Variants in C1QTNF12 observed in about 807,000 individuals in gnomAD.
The protein encoded by C1QTNF12 is adipolin.
C1QTNF12 carries 39 observed loss-of-function variants against 34.3 expected under a neutral mutation model. That is an observed-to-expected ratio of 1.14 (90% CI 0.88 to 1.49). C1QTNF12 has a LOEUF of 1.49. Among genes scored for constraint, C1QTNF12 ranks in the 40% most tolerant of loss-of-function variants. The pLI, the probability that C1QTNF12 is intolerant of heterozygous loss-of-function variation, is 0.00. For missense variants in C1QTNF12, 497 were observed against 424.7 expected (o/e 1.17, Z -1.50); for synonymous variants, 220 against 196.9 (o/e 1.12, Z -0.98).
Position 1,242,604 on chromosome 1 carries a change from C to T in C1QTNF12, c.853G>A (p.Ala285Thr), listed in dbSNP as rs1303483832. 4 of 1,594,662 alleles carry T rather than the reference C, an allele frequency of 2.5e-6. No homozygotes were observed. Among genetic ancestry groups the T allele is most frequent in the Non-Finnish European group, 3.4e-6 (4 of 1,171,128 alleles). ...ASVFVDNGSG[A>T]VLTIQAGSSF... is the part of the protein sequence containing the mutation. ...GAGCCCGCCTGGATGGTGAGGACGG[C>T]CCCGGAGCCATTGTCCACAAACACA... The change falls in exon 8 of 8, where the codon GCC becomes ACC. Residue 285 changes from alanine to threonine, a missense_variant. By Grantham distance (58) the Ala-to-Thr change is moderately conservative (BLOSUM62 0). Transcript: ENST00000330388.
In C1QTNF12 at chr1:1,246,615, G is replaced by C; in HGVS notation, c.76C>G (p.Arg26Gly). 3 of 1,245,012 alleles carry C rather than the reference G, an allele frequency of 2.4e-6. No individual in the cohort carries two copies. The highest frequency in any genetic ancestry group is 2.0e-6 in the Non-Finnish European group (2 of 995,000). The allele number at this position is 1,245,012 out of a possible 1,614,324, so 77.1% of individuals were successfully genotyped here. The change falls in exon 1 of 8, where the codon CGG becomes GGG. Residue 26 changes from arginine (R) to glycine (G), a missense_variant. Transcript: ENST00000330388. This position sits in a 1 kb window ranked among gnomAD's most constrained non-coding sequence, Gnocchi z 4.5. ...QLVLLGGVGA[R>G]REAQRTQQPG... ...TGCTGCGTCCTCTGTGCCTCCCGCC[G>C]GGCCCCGACGCCCCCGAGGAGCACG...
In C1QTNF12 at chr1:1,244,465, G is replaced by A. The variant is rs143989402; in HGVS notation, c.210C>T (p.Asp70=). The change falls in exon 2 of 8, where the codon GAC becomes GAT. Residue 70 remains aspartate, a synonymous_variant. Transcript: ENST00000330388. ...CAAAGTTCAGCCATGTCATGTGGGC[G>A]TCGGAGAACTCAGGTCCTGAGGCCT... ...PSQASGPEFS[D]AHMTWLNFVR... The A allele has an allele frequency of 2.5e-5, 40 of 1,611,724 alleles. No homozygotes were observed. The highest frequency in any genetic ancestry group is 1.0e-4 in the Admixed American group (6 of 59,960).
chr1:1,244,287 G>T lies in C1QTNF12; in HGVS notation c.295-12C>A. The stretch of plus-strand genomic sequence containing the variant: ...CCGAAGAGATCCCGCTGGGGGGAGA[G>T]AGAAGCAGGTGAGGGGCCCAGTGGG... On this transcript the variant is annotated splice_polypyrimidine_tract_variant and intron_variant, in intron 2 of 7. Coordinates refer to ENST00000330388, the MANE Select transcript of C1QTNF12 (RefSeq NM_001014980.3). 6.3e-7 allele frequency: 1 copy of T among 1,591,576 alleles called. No homozygotes were observed. Among genetic ancestry groups the T allele is most frequent in the Non-Finnish European group, 8.6e-7 (1 of 1,165,750 alleles).
Position 1,242,648 on chromosome 1 carries a change from T to C in C1QTNF12, c.811-2A>G, listed in dbSNP as rs146132363. On this transcript the variant is annotated splice_acceptor_variant, in intron 7 of 7. Transcript: ENST00000330388. LOFTEE classifies it high-confidence loss of function. ...AAACACAGAAGCGTACTGTCCAGCCTGTAAGAAGCACGGGGACGTCACAAC... is the reference window on the plus strand; with the variant it reads ...AAACACAGAAGCGTACTGTCCAGCCCGTAAGAAGCACGGGGACGTCACAAC... The C allele has an allele frequency of 3.8e-5, 61 of 1,589,648 alleles. No individual in the cohort carries two copies. The highest frequency in any genetic ancestry group is 5.0e-5 in the Non-Finnish European group (58 of 1,168,596).
chr1:1,242,960 G>C (rs1402448513), intron 6 of C1QTNF12, 47 bp from the exon 7 acceptor site: 2 of 1,589,966 alleles, frequency 1.3e-6, no homozygotes, highest in Non-Finnish European at 1.7e-6. Flanking sequence ...CAGGTCCAGG[G>C]GGCCAAGACC....
At chr1:1,247,135 C>T (rs1031774419), upstream of C1QTNF12, among the ~76,000 whole-genome samples, 2 of 152,160 alleles carry the variant, frequency 1.3e-5, no homozygotes, top group African/African-American at 4.8e-5. Flanking sequence ...AAAGGTCCAC[C>T]TCATTCTGGG....
rs200440529 is a variant in C1QTNF12, at chr1:1,244,231, G to C, written c.339C>G (p.Thr113=). 1 of 1,598,236 alleles carries C rather than the reference G, an allele frequency of 6.3e-7. No homozygotes were observed. The highest frequency in any genetic ancestry group is 2.2e-5 in the East Asian group (1 of 44,712). The change falls in exon 3 of 8, where the codon ACC becomes ACG. Residue 113 remains threonine, a synonymous_variant. Transcript: ENST00000330388. The part of the protein sequence containing the change: ...GPPGPPGAEV[T]AETLLHEFQE... ...GAAACTCGTGAAGCAGAGTCTCCGC[G>C]GTCACTTCTGCACCTGGAGGTCCTG...
chr1:1,242,534 C>T lies in C1QTNF12; in HGVS notation c.*14G>A, dbSNP rs887906552. ...GATCCGGCGGCAGCTCCTCGCCAGC[C>T]CCCCTGGGCGCCCTCACGTGCCCAG... On this transcript the variant is annotated 3_prime_UTR_variant, in exon 8 of 8. Coordinates refer to ENST00000330388, the MANE Select transcript of C1QTNF12 (RefSeq NM_001014980.3). 1.2e-5 allele frequency: 19 copies of T among 1,548,442 alleles called. No individual in the cohort carries two copies. Among genetic ancestry groups the T allele is most frequent in the Admixed American group, 5.9e-5 (3 of 50,640 alleles).
chr1:1,242,493 G>A lies in C1QTNF12; in HGVS notation c.*55C>T, dbSNP rs1638762587. The A allele has an allele frequency of 2.2e-6, 3 of 1,370,584 alleles. No homozygotes were observed. The highest frequency in any genetic ancestry group is 3.0e-6 in the Non-Finnish European group (3 of 993,300). The allele number at this position is 1,370,584 out of a possible 1,614,324, so 84.9% of individuals were successfully genotyped here. On this transcript the variant is annotated 3_prime_UTR_variant, in exon 8 of 8. Transcript: ENST00000330388. Reference sequence around the variant, plus strand: ...TTTATTGTGGTGACCACGGGCATCAGTAGGAGGGTCCCCGGGATCCGGCGG... The same window carrying A: ...TTTATTGTGGTGACCACGGGCATCAATAGGAGGGTCCCCGGGATCCGGCGG...
At position 1,242,849 on chromosome 1, in the gene C1QTNF12, G is replaced by A; in HGVS notation, c.796C>T (p.Leu266=). The A allele has an allele frequency of 6.2e-7, 1 of 1,612,350 alleles. No individual in the cohort carries two copies. The change falls in exon 7 of 8, where the codon CTG becomes TTG. Residue 266 remains leucine (L), a synonymous_variant. Transcript: ENST00000330388. ...CCCGGACTCACCTGCAGCTGCAGCA[G>A]CCCCTGCACCTGTAGCGTGAAGACC... The part of the protein sequence containing the change: ...SRVFTLQVQG[L]LQLQAGQYAS...
chr1:1,245,723 C>T (rs1638876568), intron 1 of C1QTNF12, among the ~76,000 whole-genome samples: 1 of 152,212 alleles, frequency 6.6e-6, no homozygotes, highest in Non-Finnish European at 1.5e-5. Flanking sequence ...ATCTGGGAAA[C>T]GGGACCTCGG....
rs141538052 is a variant in C1QTNF12 at position 1,243,520 on chromosome 1, G to A, written c.564C>T (p.Ser188=). The A allele has an allele frequency of 1.7e-4, 265 of 1,555,558 alleles. 1 individual carries two copies. The highest frequency in any genetic ancestry group is 1.7e-3 in the South Asian group (141 of 84,630). The change falls in exon 5 of 8, where the codon TCC becomes TCT. Residue 188 remains serine (S), a synonymous_variant. Coordinates refer to ENST00000330388, the MANE Select transcript of C1QTNF12 (RefSeq NM_001014980.3). ...ACCGACCCGAGGCCAGGCTCAGACC[G>A]GAGCCTCGCAGGAAGGCACCTTGGG... is the stretch of plus-strand genomic sequence containing the variant. ...PAAQGAFLRG[S]GLSLASGRFT...
chr1:1,245,756 T>TGA (rs1204816507), intron 1 of C1QTNF12, among the ~76,000 whole-genome samples: 1 of 152,192 alleles, frequency 6.6e-6, no homozygotes, highest in East Asian at 1.9e-4. Flanking sequence ...CCGCGTGGGC[T>TGA]GAGAGGCAGC....
intron 4 of C1QTNF12, 51 bp downstream of exon 4, chr1:1,243,903 G>C: frequency 2.0e-6 from 3 of 1,529,492 alleles, no homozygotes; most frequent in Non-Finnish European, 2.6e-6. Context: ...GTCCCGTCTT[G>C]CCTGTGGGGC....
intron 1 of C1QTNF12, among the ~76,000 whole-genome samples, chr1:1,245,924 G>C (rs926231245): frequency 6.6e-6 from 1 of 152,224 alleles, no homozygotes; most frequent in South Asian, 2.1e-4. Context: ...CCCCTGGAGA[G>C]ACCCTGAGCA....
In C1QTNF12 at chr1:1,244,430, G is replaced by T. The variant is rs146575018; in HGVS notation, c.245C>A (p.Pro82Gln). The T allele has an allele frequency of 6.2e-7, 1 of 1,611,880 alleles. No homozygotes were observed. Among genetic ancestry groups the T allele is most frequent in the South Asian group, 1.1e-5 (1 of 91,076 alleles). The change falls in exon 2 of 8, where the codon CCG (proline) becomes CAG (glutamine). Residue 82 changes from proline to glutamine, a missense_variant. Pro to Gln is a moderately conservative substitution (Grantham distance 76). Coordinates refer to ENST00000330388, the MANE Select transcript of C1QTNF12 (RefSeq NM_001014980.3). ...CCGCTTCCTTAAGGCGCCGTCGTCC[G>T]GCCGCCGGACAAAGTTCAGCCATGT... is the stretch of plus-strand genomic sequence containing the variant. ...HMTWLNFVRRPDDGALRKRCG... is the reference protein window; with the variant it reads ...HMTWLNFVRRQDDGALRKRCG...
At chr1:1,244,738 ACTCC>A (rs1638838595) in intron 1 of C1QTNF12, 1 of 261,368 alleles carries the variant, frequency 3.8e-6, no homozygotes, top group African/African-American at 7.2e-5. Context: ...CTCCTCCCCC[ACTCC>A]TCCCCCTCCT....
At chr1:1,242,698 T>C (rs915109857) in intron 7 of C1QTNF12, 52 bp from the exon 8 acceptor site, 3 of 1,563,132 alleles carry the variant, frequency 1.9e-6, no homozygotes, top group Non-Finnish European at 2.6e-6. Context: ...AGCCACTCGG[T>C]GGCCAACGTC....
chr1:1,243,622 G>A, intron 4 of C1QTNF12, 70 bp from the exon 5 acceptor site: 1 of 1,313,374 alleles, frequency 7.6e-7, no homozygotes, highest in African/African-American at 1.5e-5. Context: ...GCCTGGGGAA[G>A]GTGCCTGCAA....
Sources: allele counts gnomAD v4.1 joint callset (sites outside exome capture counted in the v4.1 genomes callset), GRCh38; gene constraint gnomAD v4.1.1; non-coding constraint Gnocchi (gnomAD v3.1); transcripts MANE v1.5; gene names NCBI Gene and HGNC (gene_info 2026-07-23, HGNC 2026-07-21).